Variants in SDR42E1 observed in about 807,000 individuals in gnomAD.
SDR42E1 encodes short chain dehydrogenase/reductase family 42E, member 1.
A neutral mutation model predicts 2.6 loss-of-function variants in SDR42E1; 5 were observed. The ratio of observed to expected loss-of-function variants is 1.94; its 90% CI spans 1.01 to 4.08. SDR42E1 has a LOEUF of 4.08. SDR42E1 is among the 30% of genes most tolerant of loss of function. The pLI is 0.00. For synonymous variants in SDR42E1, 231 were observed against 188.3 expected, an observed-to-expected ratio of 1.23 and a Z score of -1.86; for missense variants, 596 against 478.6, an observed-to-expected ratio of 1.25 and a Z score of -2.29.
Position 81,999,703 on chromosome 16 carries a change from A to G in SDR42E1, c.590T>C (p.Leu197Pro), listed in dbSNP as rs202151516. The change falls in exon 3 of 3, where the codon CTT becomes CCT. Residue 197 changes from leucine to proline, a missense_variant. By Grantham distance (98) the Leu-to-Pro change is moderately conservative. Transcript: ENST00000328945. ...CTCGATGTAGCTGACTATCCTGGGA[A>G]GGTGTCTTTGTTCTCCAGGCCCATA... ...GIYGPGEQRH[L>P]PRIVSYIEKG... is the part of the protein sequence containing the mutation. 3.4e-4 allele frequency: 556 copies of G among 1,614,188 alleles called. 5 individuals carry two copies. In the African/African-American group the frequency reaches 6.2e-3, roughly 18 times the overall value.
At chr16:82,002,524 T>G (rs533957164) in intron 1 of SDR42E1, among the ~76,000 whole-genome samples, 1 of 152,348 alleles carries the variant, frequency 6.6e-6, no homozygotes, top group East Asian at 1.9e-4. Flanking sequence ...ATCCTTTTAA[T>G]AATCTTACTA....
rs770711724 is a variant in SDR42E1 at position 81,999,209 on chromosome 16, G to A, written c.1084C>T (p.Arg362Cys). The A allele has an allele frequency of 6.2e-6, 10 of 1,614,174 alleles. No homozygotes were observed. Among genetic ancestry groups the A allele is most frequent in the East Asian group, 2.2e-5 (1 of 44,884 alleles). The change falls in exon 3 of 3, where the codon CGT becomes TGT. Residue 362 changes from arginine to cysteine, a missense_variant. Coordinates refer to ENST00000328945, the MANE Select transcript of SDR42E1 (RefSeq NM_145168.3). ...TCCCAAACAAAACACTCCGAGTCACGACTTCCAGAACTTCTGCCATGACCA... is the reference window on the plus strand; with the variant it reads ...TCCCAAACAAAACACTCCGAGTCACAACTTCCAGAACTTCTGCCATGACCA... ...AHGHGRSSGS[R>C]DSECFVWDGL...
chr16:82,002,878 T>C (rs1180438439), intron 1 of SDR42E1, among the ~76,000 whole-genome samples: 2 of 152,218 alleles, frequency 1.3e-5, no homozygotes, highest in Non-Finnish European at 2.9e-5. Flanking sequence ...TCCACAGATG[T>C]CATTCCTTGA....
In SDR42E1 at chr16:81,995,623, T is replaced by C. The variant is rs947154741; in HGVS notation, c.*3488A>G. The stretch of plus-strand genomic sequence containing the variant: ...TTAGTTACGACAGTTCTAGTGTAGG[T>C]TGGCTATTTTCCCCAGTCTCCAAAA... On this transcript the variant is annotated 3_prime_UTR_variant, in exon 3 of 3. Coordinates refer to ENST00000328945, the MANE Select transcript of SDR42E1 (RefSeq NM_145168.3). 2.0e-5 allele frequency: 3 copies of C among 152,232 alleles called. No individual in the cohort carries two copies. Among genetic ancestry groups the C allele is most frequent in the East Asian group, 1.9e-4 (1 of 5,196 alleles). The allele number at this position is 152,232 out of a possible 1,614,324, so 9.4% of individuals were successfully genotyped here. A position where few individuals can be genotyped will look rare whatever the true frequency, so the allele number is the denominator to read the frequency against.
In SDR42E1 at chr16:81,993,076, G is replaced by A. The variant is rs944163628; in HGVS notation, c.*6035C>T. 6.6e-6 allele frequency: 1 copy of A among 152,222 alleles called. No homozygotes were observed. The highest frequency in any genetic ancestry group is 2.4e-5 in the African/African-American group (1 of 41,448). 9.4% of individuals were successfully genotyped at this position (152,222 alleles called of 1,614,324 possible). The stretch of plus-strand genomic sequence containing the variant: ...GAAAAGTCAGCACTGGGACGTAGCA[G>A]TGCTTGTCTGTGTCAACAAAGAACT... On this transcript the variant is annotated 3_prime_UTR_variant, in exon 3 of 3. Transcript: ENST00000328945.
rs1912497498 is a variant in SDR42E1, at chr16:81,994,486, C to T, written c.*4625G>A. The T allele has an allele frequency of 6.6e-6, 1 of 152,236 alleles. No individual in the cohort carries two copies. The highest frequency in any genetic ancestry group is 1.5e-5 in the Non-Finnish European group (1 of 68,070). The allele number at this position is 152,236 out of a possible 1,614,324, so 9.4% of individuals were successfully genotyped here. ...ATGGAAGTCCTGTGAGCGGTCAGGC[C>T]TGCATGTGGAGGTCAGCCCCACGAA... On this transcript the variant is annotated 3_prime_UTR_variant, in exon 3 of 3. Transcript: ENST00000328945.
rs2143830221 is a variant in SDR42E1, at chr16:81,993,480, G to C, written c.*5631C>G. On this transcript the variant is annotated 3_prime_UTR_variant, in exon 3 of 3. Transcript: ENST00000328945. ...CCCCTGCCCCCGTGCTTTTCTGGTT[G>C]TTACAGTGAAAGGACCGATTCCAGA... The C allele has an allele frequency of 6.6e-6, 1 of 152,290 alleles. No homozygotes were observed. Among genetic ancestry groups the C allele is most frequent in the East Asian group, 1.9e-4 (1 of 5,174 alleles). 9.4% of individuals were successfully genotyped at this position (152,290 alleles called of 1,614,324 possible). A position where few individuals can be genotyped will look rare whatever the true frequency, so the allele number is the denominator to read the frequency against.
rs1358603257 is a variant in SDR42E1 at position 81,997,114 on chromosome 16, TAA to T, written c.*1995_*1996del. The T allele has an allele frequency of 5.9e-5, 9 of 152,124 alleles. No individual in the cohort carries two copies. Among genetic ancestry groups the T allele is most frequent in the African/African-American group, 2.2e-4 (9 of 41,428 alleles). 9.4% of individuals were successfully genotyped at this position (152,124 alleles called of 1,614,324 possible). A position where few individuals can be genotyped will look rare whatever the true frequency, so the allele number is the denominator to read the frequency against. On this transcript the variant is annotated 3_prime_UTR_variant, in exon 3 of 3. Transcript: ENST00000328945. ...TGTGGCTTTTGTGAGTGAACTGCAA[TAA>T]GACTCAGGTGACGCATTCAAAATAA... is the stretch of plus-strand genomic sequence containing the variant.
chr16:81,995,850 T>C lies in SDR42E1; in HGVS notation c.*3261A>G, dbSNP rs933558615. On this transcript the variant is annotated 3_prime_UTR_variant, in exon 3 of 3. Transcript: ENST00000328945. ...ATAACCGTACAAATGTTTACAGTTA[T>C]GAGCAATGCTATAAAAGAAAGGCAG... The C allele has an allele frequency of 1.3e-5, 2 of 152,232 alleles. No individual in the cohort carries two copies. The highest frequency in any genetic ancestry group is 2.1e-4 in the South Asian group (1 of 4,826). The allele number at this position is 152,232 out of a possible 1,614,324, so 9.4% of individuals were successfully genotyped here.
chr16:81,999,184 T>A lies in SDR42E1; in HGVS notation c.1109A>T (p.Asp370Val), dbSNP rs766933504. Residue 370 changes from aspartate (D) to valine (V), a missense_variant, in exon 3 of 3, where the codon GAT becomes GTT. Asp to Val is a radical substitution (Grantham distance 152, BLOSUM62 -3). Coordinates refer to ENST00000328945, the MANE Select transcript of SDR42E1 (RefSeq NM_145168.3). ...GSRDSECFVW[D>V]GLLVFLLIIA... Reference sequence around the variant, plus strand: ...AATCAGGAGGAAGACCAATAGCCCATCCCAAACAAAACACTCCGAGTCACG... The same window carrying A: ...AATCAGGAGGAAGACCAATAGCCCAACCCAAACAAAACACTCCGAGTCACG... The A allele has an allele frequency of 1.9e-6, 3 of 1,614,118 alleles. No homozygotes were observed. Among genetic ancestry groups the A allele is most frequent in the Middle Eastern group, 3.3e-4 (2 of 6,062 alleles).
Position 81,996,102 on chromosome 16 carries a change from A to C in SDR42E1, c.*3009T>G, listed in dbSNP as rs1035702461. The C allele has an allele frequency of 6.6e-6, 1 of 152,246 alleles. No individual in the cohort carries two copies. Among genetic ancestry groups the C allele is most frequent in the Non-Finnish European group, 1.5e-5 (1 of 68,060 alleles). 9.4% of individuals were successfully genotyped at this position (152,246 alleles called of 1,614,324 possible). Reference sequence around the variant, plus strand: ...AATAATGTGAGATGAAGTTAGAGAGACAGGCAAGGGGCCAGTTCAGACAAA... The same window carrying C: ...AATAATGTGAGATGAAGTTAGAGAGCCAGGCAAGGGGCCAGTTCAGACAAA... On this transcript the variant is annotated 3_prime_UTR_variant, in exon 3 of 3. Transcript: ENST00000328945.
chr16:82,007,044 A>G (rs1912963093), intron 1 of SDR42E1, among the ~76,000 whole-genome samples: 1 of 152,350 alleles, frequency 6.6e-6, no homozygotes, highest in Non-Finnish European at 1.5e-5. Flanking sequence ...AATTCCTCAC[A>G]ATGCTGATGA....
Position 81,993,252 on chromosome 16 carries a change from C to A in SDR42E1, c.*5859G>T, listed in dbSNP as rs1276558649. The A allele has an allele frequency of 6.6e-6, 1 of 152,088 alleles. No homozygotes were observed. Among genetic ancestry groups the A allele is most frequent in the African/African-American group, 2.4e-5 (1 of 41,418 alleles). 9.4% of individuals were successfully genotyped at this position (152,088 alleles called of 1,614,324 possible). A position where few individuals can be genotyped will look rare whatever the true frequency, so the allele number is the denominator to read the frequency against. ...GGAAGAGCCAAGCAGAAGTCAGGAG[C>A]CTCTCAGCATCTTGCAAGGGAGCCA... On this transcript the variant is annotated 3_prime_UTR_variant, in exon 3 of 3. Coordinates refer to ENST00000328945, the MANE Select transcript of SDR42E1 (RefSeq NM_145168.3).
rs2143831377 is a variant in SDR42E1, at chr16:81,993,984, G to C, written c.*5127C>G. 1 of 152,322 alleles carries C rather than the reference G, an allele frequency of 6.6e-6. No homozygotes were observed. Among genetic ancestry groups the C allele is most frequent in the South Asian group, 2.1e-4 (1 of 4,828 alleles). The allele number at this position is 152,322 out of a possible 1,614,324, so 9.4% of individuals were successfully genotyped here. ...AAAGACGACCCCCGTTTGAAAGAAA[G>C]AGGGCACAGAGGTGAGTGGAGAGGC... On this transcript the variant is annotated 3_prime_UTR_variant, in exon 3 of 3. Coordinates refer to ENST00000328945, the MANE Select transcript of SDR42E1 (RefSeq NM_145168.3).
Position 81,989,369 on chromosome 16 carries a change from G to A in SDR42E1, c.*9742C>T, listed in dbSNP as rs1206935405. ...TTTCTATACAAATATATACATATATGAAATTTGGGGACATTAGTAAAAGGG... is the reference window on the plus strand; with the variant it reads ...TTTCTATACAAATATATACATATATAAAATTTGGGGACATTAGTAAAAGGG... On this transcript the variant is annotated 3_prime_UTR_variant, in exon 3 of 3. Transcript: ENST00000328945. 6.6e-6 allele frequency: 1 copy of A among 152,178 alleles called. No individual in the cohort carries two copies. Among genetic ancestry groups the A allele is most frequent in the Non-Finnish European group, 1.5e-5 (1 of 68,024 alleles). 9.4% of individuals were successfully genotyped at this position (152,178 alleles called of 1,614,324 possible). A position where few individuals can be genotyped will look rare whatever the true frequency, so the allele number is the denominator to read the frequency against.
rs1224466407 is a variant in SDR42E1 at position 81,992,633 on chromosome 16, A to AT, written c.*6477dup. On this transcript the variant is annotated 3_prime_UTR_variant, in exon 3 of 3. Transcript: ENST00000328945. ...AAATCTTGCATATTAGTAATGAAGA[A>AT]TTTTTTAATTACTTGCATGCTTTAA... is the stretch of plus-strand genomic sequence containing the variant. 3.3e-5 allele frequency: 5 copies of AT among 152,194 alleles called. No individual in the cohort carries two copies. The highest frequency in any genetic ancestry group is 7.4e-5 in the Non-Finnish European group (5 of 68,026). The allele number at this position is 152,194 out of a possible 1,614,324, so 9.4% of individuals were successfully genotyped here. A position where few individuals can be genotyped will look rare whatever the true frequency, so the allele number is the denominator to read the frequency against.
At chr16:82,005,346 G>A (rs925537803) in intron 1 of SDR42E1, among the ~76,000 whole-genome samples, 11 of 152,138 alleles carry the variant, frequency 7.2e-5, no homozygotes, top group African/African-American at 2.7e-4. Context: ...GGTCAGAAGA[G>A]AAAGATAAGA....
rs887524064 is a variant in SDR42E1, at chr16:81,992,714, A to G, written c.*6397T>C. ...CTGCTGATAAATCCCCTGTTGGTTG[A>G]AAGACACTTGCCTGGATCACTTTGC... On this transcript the variant is annotated 3_prime_UTR_variant, in exon 3 of 3. Coordinates refer to ENST00000328945, the MANE Select transcript of SDR42E1 (RefSeq NM_145168.3). The G allele has an allele frequency of 6.6e-6, 1 of 152,136 alleles. No individual in the cohort carries two copies. Among genetic ancestry groups the G allele is most frequent in the African/African-American group, 2.4e-5 (1 of 41,428 alleles). The allele number at this position is 152,136 out of a possible 1,614,324, so 9.4% of individuals were successfully genotyped here.
intron 1 of SDR42E1, chr16:82,007,883 G>C (rs536451972): frequency 6.6e-6 from 1 of 152,106 alleles, no homozygotes; most frequent in Non-Finnish European, 1.5e-5. Flanking sequence ...AATAAAAACA[G>C]CAACAACCAT....
Sources: gnomAD v4.1 joint callset for allele counts (sites outside exome capture counted in the v4.1 genomes callset) on GRCh38, gnomAD v4.1.1 for gene constraint, MANE v1.5 for transcripts, NCBI Gene and HGNC (gene_info 2026-07-23, HGNC 2026-07-21) for gene names.